Variants in BTBD10 observed in about 807,000 individuals in gnomAD.
BTBD10 encodes BTB domain containing 10.
Under a neutral mutation model 53.2 loss-of-function variants are expected in BTBD10, and 21 were observed. That is an observed-to-expected ratio of 0.39 (90% CI 0.28 to 0.57). BTBD10 has a LOEUF of 0.57. Among genes scored for constraint, BTBD10 ranks in the 20% least tolerant of loss-of-function variants. The pLI is 0.53. For synonymous variants in BTBD10, 149 were observed against 192.7 expected (o/e 0.77, Z 1.88); for missense variants, 360 against 594.7 (o/e 0.61, Z 4.10).
At chr11:13,392,472 C>T (rs1173696501) in intron 8 of BTBD10, among the ~76,000 whole-genome samples, 2 of 151,980 alleles carry the variant, frequency 1.3e-5, no homozygotes, top group African/African-American at 2.4e-5. Context: ...CATTAGAAGA[C>T]AGATTATGGT....
At chr11:13,393,729 A>G (rs923705932) in intron 8 of BTBD10, among the ~76,000 whole-genome samples, 61 of 152,172 alleles carry the variant, frequency 4.0e-4, no homozygotes, top group Non-Finnish European at 4.4e-4. Flanking sequence ...CAGGCAACTA[A>G]TATTGGCTAT....
intron 1 of BTBD10, among the ~76,000 whole-genome samples, chr11:13,449,408 C>G (rs1950810463): frequency 6.6e-6 from 1 of 151,568 alleles, no homozygotes; most frequent in African/African-American, 2.4e-5. Context: ...AAACCCCAGT[C>G]TAACAAAAAG....
intron 2 of BTBD10, among the ~76,000 whole-genome samples, chr11:13,443,660 T>C (rs1432520287): frequency 1.3e-5 from 2 of 152,062 alleles, no homozygotes; most frequent in African/African-American, 4.8e-5. Context: ...AGTGGCCTAC[T>C]GTAACCTCCA....
intron 8 of BTBD10, among the ~76,000 whole-genome samples, chr11:13,394,109 C>T (rs112772792): frequency 2.0e-5 from 3 of 152,044 alleles, no homozygotes; most frequent in African/African-American, 7.2e-5. Flanking sequence ...TAATGATTAG[C>T]GGGGAGCTGA....
chr11:13,446,389 T>C (rs1950749771), intron 1 of BTBD10, among the ~76,000 whole-genome samples: 1 of 152,170 alleles, frequency 6.6e-6, no homozygotes, highest in South Asian at 2.1e-4. Flanking sequence ...TAAAATTGTG[T>C]TCATATCAAA....
intron 8 of BTBD10, among the ~76,000 whole-genome samples, chr11:13,397,424 T>C (rs1260174479): frequency 6.6e-6 from 1 of 152,230 alleles, no homozygotes; most frequent in East Asian, 1.9e-4. Context: ...TATTTGATTC[T>C]TCTCTCTTTT....
chr11:13,397,242 A>G (rs546727038), intron 8 of BTBD10, among the ~76,000 whole-genome samples: 72 of 152,264 alleles, frequency 4.7e-4, no homozygotes, highest in African/African-American at 1.5e-3. Context: ...CTATTCAGAG[A>G]TTCAACTTCT....
At chr11:13,436,934 C>G (rs1415391099) in intron 2 of BTBD10, among the ~76,000 whole-genome samples, 3 of 152,118 alleles carry the variant, frequency 2.0e-5, no homozygotes, top group African/African-American at 4.8e-5. Flanking sequence ...AGGCGTGCAC[C>G]AACATGCCCA....
chr11:13,415,677 G>A (rs907003178), intron 5 of BTBD10, among the ~76,000 whole-genome samples: 1 of 151,734 alleles, frequency 6.6e-6, no homozygotes, highest in Non-Finnish European at 1.5e-5. Context: ...AGAATGTTAC[G>A]TAGTTTGTAA....
chr11:13,389,215 T>C, intron 8 of BTBD10, 74 bp from the exon 9 acceptor site: 1 of 1,260,888 alleles, frequency 7.9e-7, no homozygotes, highest in Non-Finnish European at 1.1e-6. Context: ...TTAGAAAGCT[T>C]TTCTGCTATA....
rs1042457552 is a variant in BTBD10 at position 13,388,383 on chromosome 11, TAA to T, written c.*446_*447del. 1 of 156,592 alleles carries T rather than the reference TAA, an allele frequency of 6.4e-6. No individual in the cohort carries two copies. The highest frequency in any genetic ancestry group is 2.4e-5 in the African/African-American group (1 of 41,504). 9.7% of individuals were successfully genotyped at this position (156,592 alleles called of 1,614,324 possible). On this transcript the variant is annotated 3_prime_UTR_variant, in exon 9 of 9. Transcript: ENST00000278174. ...GGAGGAATACTTTGACAGAAGCACTTAAATTATATTGTGCATCACAACTATAA... is the reference window on the plus strand; with the variant it reads ...GGAGGAATACTTTGACAGAAGCACTTATTATATTGTGCATCACAACTATAA...
intron 8 of BTBD10, among the ~76,000 whole-genome samples, chr11:13,391,812 C>T (rs1388390741): frequency 6.6e-6 from 1 of 152,208 alleles, no homozygotes. Flanking sequence ...GGTGTGGTGG[C>T]GTGCGCCTGT....
intron 2 of BTBD10, among the ~76,000 whole-genome samples, chr11:13,426,162 CAACA>C (rs1242091708): frequency 6.6e-6 from 1 of 151,842 alleles, no homozygotes; most frequent in Non-Finnish European, 1.5e-5. Flanking sequence ...TCAATATGCA[CAACA>C]AACTCTACAA....
intron 2 of BTBD10, among the ~76,000 whole-genome samples, chr11:13,423,135 G>C (rs376392949): frequency 6.6e-6 from 1 of 152,052 alleles, no homozygotes; most frequent in Admixed American, 6.5e-5. Context: ...TCAATAATTA[G>C]AGTACACTGC....
chr11:13,460,156 G>C (rs971292800), intron 1 of BTBD10, among the ~76,000 whole-genome samples: 3 of 152,152 alleles, frequency 2.0e-5, no homozygotes, highest in African/African-American at 7.2e-5. Context: ...CTAAAATGAA[G>C]AAAAGAAAAT....
chr11:13,391,809 T>G (rs1324117751), intron 8 of BTBD10, among the ~76,000 whole-genome samples: 1 of 152,222 alleles, frequency 6.6e-6, no homozygotes, highest in Non-Finnish European at 1.5e-5. Flanking sequence ...CTGGGTGTGG[T>G]GGCGTGCGCC....
At chr11:13,446,865 A>T (rs1250208930) in intron 1 of BTBD10, among the ~76,000 whole-genome samples, 1 of 152,184 alleles carries the variant, frequency 6.6e-6, no homozygotes, top group African/African-American at 2.4e-5. Flanking sequence ...TTACTTTATG[A>T]CTAGTTATCT....
chr11:13,461,590 T>G (rs1033017011), intron 1 of BTBD10, among the ~76,000 whole-genome samples: 1 of 152,164 alleles, frequency 6.6e-6, no homozygotes, highest in Admixed American at 6.5e-5. Flanking sequence ...AACTCCATAG[T>G]TAATAATTTA....
chr11:13,443,785 C>T (rs183629898), intron 2 of BTBD10, among the ~76,000 whole-genome samples: 8 of 151,994 alleles, frequency 5.3e-5, no homozygotes, highest in Non-Finnish European at 8.8e-5. Flanking sequence ...GGTTTTGTCA[C>T]GTTGGCCAGG....
Sources: allele counts gnomAD v4.1 joint callset (sites outside exome capture counted in the v4.1 genomes callset), GRCh38; gene constraint gnomAD v4.1.1; transcripts MANE v1.5; gene names NCBI Gene and HGNC (gene_info 2026-07-23, HGNC 2026-07-21).